FSD2: variants seen among roughly 807,000 people sequenced by gnomAD.
FSD2 encodes fibronectin type III and SPRY domain containing 2.
FSD2 carries 71 observed loss-of-function variants against 80.4 expected under a neutral mutation model. The observed-to-expected ratio is 0.88, with a 90% CI of 0.73 to 1.08. The LOEUF (loss-of-function observed/expected upper bound fraction) is 1.08. Among genes scored for constraint, FSD2 ranks in the 50% least tolerant of loss-of-function variants. FSD2 has a pLI of 0.00. For synonymous variants in FSD2, 361 were observed against 329.5 expected (o/e 1.10, Z -1.03); for missense variants, 923 against 913.8 (o/e 1.01, Z -0.13).
Position 82,765,213 on chromosome 15 carries a change from C to G in FSD2, c.1773G>C (p.Arg591Ser), listed in dbSNP as rs1255495713. The G allele has an allele frequency of 6.2e-7, 1 of 1,609,618 alleles. No individual in the cohort carries two copies. Among genetic ancestry groups the G allele is most frequent in the Non-Finnish European group, 8.5e-7 (1 of 1,177,482 alleles). The part of the protein sequence containing the change: ...EDGLTAVRSE[R>S]RTPARELSPS... ...GTGACAGCTCCCTGGCGGGGGTTCT[C>G]CTTTCACTTCGTACAGCCGTAAGTC... The change falls in exon 11 of 13, where the codon AGG (arginine) becomes AGC (serine). Residue 591 changes from arginine to serine, a missense_variant. Arg to Ser is a moderately radical substitution (Grantham distance 110). Transcript: ENST00000334574.
chr15:82,767,384 G>A (rs1048577628), intron 9 of FSD2, among the ~76,000 whole-genome samples: 1 of 152,248 alleles, frequency 6.6e-6, no homozygotes, highest in Non-Finnish European at 1.5e-5. Flanking sequence ...GAAGGAGCAT[G>A]AAAAGTAGGA....
intron 10 of FSD2, 65 bp from the exon 11 acceptor site, chr15:82,765,363 G>A (rs1009986449): frequency 3.7e-6 from 6 of 1,606,378 alleles, no homozygotes; most frequent in Admixed American, 1.7e-5. Context: ...GTGGGCGGTG[G>A]TCACCGGTTT....
chr15:82,790,676 C>T (rs1567317578), intron 1 of FSD2, among the ~76,000 whole-genome samples: 1 of 151,492 alleles, frequency 6.6e-6, no homozygotes, highest in Non-Finnish European at 1.5e-5. Context: ...CCCGGGTTCA[C>T]GCCATCCTCC....
intron 1 of FSD2, among the ~76,000 whole-genome samples, chr15:82,797,870 G>C (rs1042278436): frequency 2.0e-5 from 3 of 151,966 alleles, no homozygotes; most frequent in Middle Eastern, 3.2e-3. Context: ...ATGTTATTTT[G>C]CTTACATGTG....
Position 82,787,056 on chromosome 15 carries a change from T to A in FSD2, c.335A>T (p.Asp112Val). The change falls in exon 2 of 13, where the codon GAC becomes GTC. Residue 112 changes from aspartate (D) to valine (V), a missense_variant. Transcript: ENST00000334574. ...CCAGTCTCTCTGCTCCCTGGCTGGG[T>A]CTCTCCTCTTCATCATATAAGGAGG... Reference protein sequence around the residue: ...EYPPYMMKRRDPAREQRDWRL... With the variant: ...EYPPYMMKRRVPAREQRDWRL... 6.2e-7 allele frequency: 1 copy of A among 1,613,964 alleles called. No homozygotes were observed. Among genetic ancestry groups the A allele is most frequent in the Non-Finnish European group, 8.5e-7 (1 of 1,179,888 alleles).
intron 6 of FSD2, 32 bp downstream of exon 6, chr15:82,778,734 A>G: frequency 6.4e-7 from 1 of 1,571,362 alleles, no homozygotes. Context: ...GGTAGTCTGA[A>G]CCTGCCGCGA....
At position 82,782,794 on chromosome 15, in the gene FSD2, C is replaced by T. The variant is rs758025992; in HGVS notation, c.966+1G>A. The T allele has an allele frequency of 1.9e-6, 3 of 1,591,730 alleles. No homozygotes were observed. The Admixed American group carries it at 5.2e-5, about 28-fold the overall frequency. ...TTATTTCATTTTGTTTCATTACTGA[C>T]CTTTATGAAATCCACCTTCTCCTCG... On this transcript the variant is annotated splice_donor_variant, in intron 4 of 12. Transcript: ENST00000334574. LOFTEE classifies it high-confidence loss of function.
intron 11 of FSD2, among the ~76,000 whole-genome samples, 200 bp downstream of exon 11, chr15:82,764,966 G>A (rs2049379413): frequency 6.6e-6 from 1 of 151,880 alleles, no homozygotes. Context: ...CGTCCCAGGG[G>A]GCTCTTCTGC....
At chr15:82,792,801 GT>G (rs1022717856) in intron 1 of FSD2, among the ~76,000 whole-genome samples, 1 of 152,070 alleles carries the variant, frequency 6.6e-6, no homozygotes, top group African/African-American at 2.4e-5. Flanking sequence ...TCTGGCCTAA[GT>G]TTTTGTCATA....
At position 82,767,830 on chromosome 15, in the gene FSD2, G is replaced by A. The variant is rs72753953; in HGVS notation, c.1553+1050C>T. Among the ~76,000 whole-genome samples, 1,077 of 152,294 alleles carry A rather than the reference G, an allele frequency of 7.1e-3. 12 individuals are homozygous for A. The highest frequency in any genetic ancestry group is 7.9e-3 in the Non-Finnish European group (536 of 68,020). On this transcript the variant is annotated intron_variant, in intron 9 of 12. Coordinates refer to ENST00000334574, the MANE Select transcript of FSD2 (RefSeq NM_001007122.4). ...GGCCACGTTTCAAGCCTGGCATTTA[G>A]CATAGAAGAATCTGCTTCCCTAACA...
chr15:82,755,381 T>G lies in FSD2; in HGVS notation c.*3967A>C, dbSNP rs966384317. On this transcript the variant is annotated 3_prime_UTR_variant, in exon 13 of 13. Transcript: ENST00000334574. The stretch of plus-strand genomic sequence containing the variant: ...TCCAAGTTCATATACCAAAACATTT[T>G]TATTTGCTATGTCTGAGTGACTACA... The G allele has an allele frequency of 6.6e-6, 1 of 152,210 alleles. No homozygotes were observed. The highest frequency in any genetic ancestry group is 2.1e-4 in the South Asian group (1 of 4,830). 9.4% of individuals were successfully genotyped at this position (152,210 alleles called of 1,614,324 possible). A position where few individuals can be genotyped will look rare whatever the true frequency, so the allele number is the denominator to read the frequency against.
At chr15:82,769,415 CA>C (rs5814127) in intron 8 of FSD2, among the ~76,000 whole-genome samples, 48,250 of 141,478 alleles carry the variant, frequency 0.34, 7,798 homozygotes, top group South Asian at 0.43. Context: ...TCTAAAAATA[CA>C]AAAAAAAAAA....
intron 3 of FSD2, among the ~76,000 whole-genome samples, chr15:82,784,846 C>T (rs149394437): frequency 6.6e-6 from 1 of 152,250 alleles, no homozygotes; most frequent in Non-Finnish European, 1.5e-5. Context: ...TCCTGGTTGA[C>T]CTCATCTGGA....
chr15:82,759,133 C>T lies in FSD2; in HGVS notation c.*215G>A, dbSNP rs2049228978. On this transcript the variant is annotated 3_prime_UTR_variant, in exon 13 of 13. Transcript: ENST00000334574. ...TCTGAGCCTTTATTTTACAGCTGGG[C>T]CTGGTAATGACTATCCTAGCAGCAC... The T allele has an allele frequency of 2.4e-5, 13 of 534,578 alleles. No individual in the cohort carries two copies. The South Asian group carries it at 3.3e-4, about 14-fold the overall frequency. 33.1% of individuals were successfully genotyped at this position (534,578 alleles called of 1,614,324 possible).
Position 82,755,853 on chromosome 15 carries a change from C to A in FSD2, c.*3495G>T. On this transcript the variant is annotated 3_prime_UTR_variant, in exon 13 of 13. Coordinates refer to ENST00000334574, the MANE Select transcript of FSD2 (RefSeq NM_001007122.4). ...AAACAAGCATATGTACAGAGTTAATCTCCTATAGCTTGAAGTTATACATGA... is the reference window on the plus strand; with the variant it reads ...AAACAAGCATATGTACAGAGTTAATATCCTATAGCTTGAAGTTATACATGA... 2.6e-6 allele frequency: 1 copy of A among 381,692 alleles called. No homozygotes were observed. Among genetic ancestry groups the A allele is most frequent in the Admixed American group, 2.8e-5 (1 of 35,830 alleles). 23.6% of individuals were successfully genotyped at this position (381,692 alleles called of 1,614,324 possible).
intron 7 of FSD2, among the ~76,000 whole-genome samples, chr15:82,770,335 A>T (rs949165110): frequency 6.6e-6 from 1 of 152,166 alleles, no homozygotes; most frequent in African/African-American, 2.4e-5. Context: ...GCCCTATCCA[A>T]GGTGGTTCAG....
intron 9 of FSD2, among the ~76,000 whole-genome samples, chr15:82,767,683 G>A (rs1364651783): frequency 2.6e-5 from 4 of 152,180 alleles, no homozygotes; most frequent in Non-Finnish European, 5.9e-5. Flanking sequence ...CCATTAGGAT[G>A]GCCAGAACCA....
Position 82,782,962 on chromosome 15 carries a change from CAAGT to C in FSD2, c.795_798del (p.Ala267LysfsTer10), listed in dbSNP as rs754060521. The C allele has an allele frequency of 6.2e-7, 1 of 1,613,830 alleles. No homozygotes were observed. The highest frequency in any genetic ancestry group is 1.7e-5 in the Admixed American group (1 of 59,976). Reference sequence around the variant, plus strand: ...TGTATTTTTTCCTCATATTTTTGAGCAAGTGTTTCCAAGATCTCGTTGTAATGTG... The same window carrying C: ...TGTATTTTTTCCTCATATTTTTGAGCGTTTCCAAGATCTCGTTGTAATGTG... On this transcript the variant is annotated frameshift_variant, in exon 4 of 13. Coordinates refer to ENST00000334574, the MANE Select transcript of FSD2 (RefSeq NM_001007122.4). LOFTEE classifies it high-confidence loss of function.
At chr15:82,772,263 TA>T (rs762896308) in intron 6 of FSD2, 35 bp from the exon 7 acceptor site, 1 of 1,573,172 alleles carries the variant, frequency 6.4e-7, no homozygotes, top group East Asian at 2.3e-5. Context: ...GAGGAACCTC[TA>T]ATAGAGGTGT....
Sources: gnomAD v4.1 joint callset for allele counts (sites outside exome capture counted in the v4.1 genomes callset) on GRCh38, gnomAD v4.1.1 for gene constraint, MANE v1.5 for transcripts, NCBI Gene and HGNC (gene_info 2026-07-23, HGNC 2026-07-21) for gene names.